The following TDRP variants were observed in gnomAD, a reference collection of about 807,000 sequenced individuals.
TDRP encodes testis development related protein, also known as testis development-related protein.
Under a neutral mutation model 10.5 loss-of-function variants are expected in TDRP, and 12 were observed. That is an observed-to-expected ratio of 1.15 (90% CI 0.73 to 1.86). The LOEUF (loss-of-function observed/expected upper bound fraction) is 1.86, where lower values mean the gene tolerates loss of function less well. Among genes scored for constraint, TDRP ranks in the 40% most tolerant of loss-of-function variants. TDRP has a pLI of 0.00. For missense variants in TDRP, 353 were observed against 229.2 expected (o/e 1.54, Z -3.49); for synonymous variants, 139 against 95.4 (o/e 1.46, Z -2.67).
In TDRP at chr8:541,658, T is replaced by C. The variant is rs111427486; in HGVS notation, c.108+2992A>G. Among the ~76,000 whole-genome samples, 352 of 152,334 alleles carry C rather than the reference T, an allele frequency of 2.3e-3. 1 individual carries two copies. The highest frequency in any genetic ancestry group is 8.2e-3 in the African/African-American group (339 of 41,576). On this transcript the variant is annotated intron_variant, in intron 1 of 2. Transcript: ENST00000324079. Reference sequence around the variant, plus strand: ...GATGACAAGTATGCGTCTGAAAAGATGCTCATGTCATTTATCATCAGGGAA... The same window carrying C: ...GATGACAAGTATGCGTCTGAAAAGACGCTCATGTCATTTATCATCAGGGAA...
intron 1 of TDRP, among the ~76,000 whole-genome samples, chr8:522,220 A>G (rs947374867): frequency 6.6e-6 from 1 of 152,062 alleles, no homozygotes; most frequent in African/African-American, 2.4e-5. Flanking sequence ...ACATTTGAGC[A>G]CTCTGCTGTC....
intron 1 of TDRP, among the ~76,000 whole-genome samples, chr8:498,673 G>C (rs1428369781): frequency 2.6e-5 from 4 of 152,084 alleles, no homozygotes; most frequent in Non-Finnish European, 4.4e-5. Context: ...AATGTAAGAA[G>C]AACATTACAT....
chr8:507,108 G>A (rs1801487610), intron 1 of TDRP, among the ~76,000 whole-genome samples: 1 of 152,160 alleles, frequency 6.6e-6, no homozygotes, highest in Non-Finnish European at 1.5e-5. Context: ...GCAGGAGGGA[G>A]TATGAGCATG....
intron 1 of TDRP, among the ~76,000 whole-genome samples, chr8:521,817 G>A (rs2116824034): frequency 6.6e-6 from 1 of 152,168 alleles, no homozygotes; most frequent in East Asian, 1.9e-4. Flanking sequence ...GGATTGCTGT[G>A]GGTAATATGG....
intron 1 of TDRP, among the ~76,000 whole-genome samples, chr8:505,778 C>G (rs115604444): frequency 2.6e-5 from 4 of 152,188 alleles, no homozygotes; most frequent in Admixed American, 6.5e-5. Context: ...TGTAAACACC[C>G]TCCGATGAAC....
chr8:513,998 CATTATT>C (rs1801686896), intron 1 of TDRP, among the ~76,000 whole-genome samples: 1 of 152,160 alleles, frequency 6.6e-6, no homozygotes, highest in Non-Finnish European at 1.5e-5. Flanking sequence ...GAAGACATAA[CATTATT>C]AAGATGGCAA....
chr8:542,298 G>A (rs550403953), intron 1 of TDRP, among the ~76,000 whole-genome samples: 2 of 152,102 alleles, frequency 1.3e-5, no homozygotes, highest in African/African-American at 4.8e-5. Context: ...TCCTGTGTGT[G>A]ACACTACAAT....
chr8:505,564 G>A (rs755619364), intron 1 of TDRP, among the ~76,000 whole-genome samples: 1 of 152,206 alleles, frequency 6.6e-6, no homozygotes, highest in African/African-American at 2.4e-5. Context: ...ATGGCCAGGA[G>A]CCAATGTCAG....
intron 1 of TDRP, among the ~76,000 whole-genome samples, chr8:505,932 G>T (rs867197588): frequency 3.9e-5 from 6 of 152,220 alleles, no homozygotes; most frequent in Admixed American, 1.3e-4. Flanking sequence ...GCTTCACCCA[G>T]TGCCAGCCAG....
At chr8:519,077 A>C (rs199556994) in intron 1 of TDRP, among the ~76,000 whole-genome samples, 2 of 46,328 alleles carry the variant, frequency 4.3e-5, no homozygotes, top group South Asian at 7.9e-4. Flanking sequence ...CCAAAGAGAG[A>C]AGGAGGGCTA....
At chr8:516,019 C>G (rs1403100530) in intron 1 of TDRP, among the ~76,000 whole-genome samples, 1 of 152,040 alleles carries the variant, frequency 6.6e-6, no homozygotes, top group Non-Finnish European at 1.5e-5. Flanking sequence ...TACAAGTTTC[C>G]TTAAAAATTA....
chr8:535,814 A>C (rs2116868200), intron 1 of TDRP, among the ~76,000 whole-genome samples: 1 of 149,890 alleles, frequency 6.7e-6, no homozygotes, highest in Non-Finnish European at 1.5e-5. Flanking sequence ...GGGTGGGCCC[A>C]CCCGAGGCAG....
intron 1 of TDRP, among the ~76,000 whole-genome samples, chr8:522,898 GCTTACGTGTATC>G (rs1449010241): frequency 6.6e-6 from 1 of 152,152 alleles, no homozygotes; most frequent in Non-Finnish European, 1.5e-5. Context: ...CATATTTTCA[GCTTACGTGTATC>G]CTTATATCTA....
At chr8:517,922 A>T (rs2116810151) in intron 1 of TDRP, among the ~76,000 whole-genome samples, 1 of 152,354 alleles carries the variant, frequency 6.6e-6, no homozygotes, top group African/African-American at 2.4e-5. Context: ...CTATGGAGAC[A>T]GTAAAAAGAT....
At chr8:518,090 G>A (rs185630673) in intron 1 of TDRP, among the ~76,000 whole-genome samples, 33 of 152,246 alleles carry the variant, frequency 2.2e-4, no homozygotes, top group African/African-American at 6.3e-4. Flanking sequence ...AACACCCAGC[G>A]TAAACACTAA....
intron 1 of TDRP, among the ~76,000 whole-genome samples, chr8:537,681 G>C (rs1379587732): frequency 6.6e-6 from 1 of 152,164 alleles, no homozygotes; most frequent in East Asian, 1.9e-4. Context: ...CTCCTTTAAA[G>C]TCGAATGCTA....
At chr8:520,588 C>A (rs903122897) in intron 1 of TDRP, among the ~76,000 whole-genome samples, 19 of 152,216 alleles carry the variant, frequency 1.2e-4, no homozygotes, top group East Asian at 5.8e-4. Flanking sequence ...CCAATCTCCC[C>A]GCATCCTTGG....
intron 1 of TDRP, among the ~76,000 whole-genome samples, chr8:535,144 TAC>T (rs939388790): frequency 1.5e-4 from 23 of 152,188 alleles, no homozygotes; most frequent in African/African-American, 4.6e-4. Flanking sequence ...GGTTTTAATA[TAC>T]ATTTATTAAT....
At chr8:522,195 A>G (rs1292676186) in intron 1 of TDRP, among the ~76,000 whole-genome samples, 1 of 152,160 alleles carries the variant, frequency 6.6e-6, no homozygotes, top group Admixed American at 6.5e-5. Flanking sequence ...TCAATCCTCT[A>G]AACGTTTATG....
Sources: gnomAD v4.1 joint callset for allele counts (sites outside exome capture counted in the v4.1 genomes callset) on GRCh38, gnomAD v4.1.1 for gene constraint, MANE v1.5 for transcripts, NCBI Gene and HGNC (gene_info 2026-07-23, HGNC 2026-07-21) for gene names.